RALGPS2: variants seen among roughly 807,000 people sequenced by gnomAD.
RALGPS2 encodes the protein ras-specific guanine nucleotide-releasing factor RalGPS2.
In RALGPS2, 43 loss-of-function variants were observed where a neutral mutation model predicts 86.8. The observed-to-expected ratio is 0.50, with a 90% CI of 0.39 to 0.64. The LOEUF (loss-of-function observed/expected upper bound fraction) is 0.64. Ranked by LOEUF, RALGPS2 falls within the 30% of genes least tolerant of loss-of-function variation. RALGPS2 has a pLI of 0.00. For synonymous variants in RALGPS2, 243 were observed against 231.3 expected (o/e 1.05, Z -0.46); for missense variants, 536 against 694.6 (o/e 0.77, Z 2.57).
chr1:178,906,916 T>C (rs56905684), intron 19 of RALGPS2, 49 bp downstream of exon 19: 6 of 1,527,004 alleles, frequency 3.9e-6, no homozygotes, highest in East Asian at 2.3e-5. Flanking sequence ...TGGGAACATA[T>C]GTAAAAGAGT....
chr1:178,784,056 T>G (rs986087585), intron 2 of RALGPS2, among the ~76,000 whole-genome samples: 1 of 152,174 alleles, frequency 6.6e-6, no homozygotes, highest in Non-Finnish European at 1.5e-5. Context: ...AAAATTAGTT[T>G]AAAAAATTGT....
intron 17 of RALGPS2, among the ~76,000 whole-genome samples, chr1:178,899,840 A>G (rs758965637): frequency 3.3e-5 from 5 of 151,804 alleles, no homozygotes; most frequent in Non-Finnish European, 5.9e-5. Context: ...AATGCAATGT[A>G]TGTCTTTTAG....
At chr1:178,864,519 A>G (rs1353432109) in intron 8 of RALGPS2, among the ~76,000 whole-genome samples, 1 of 152,210 alleles carries the variant, frequency 6.6e-6, no homozygotes, top group African/African-American at 2.4e-5. Context: ...GCTTGAAGAG[A>G]GTGAAAGCAA....
At chr1:178,789,801 T>C (rs1415805747) in intron 4 of RALGPS2, among the ~76,000 whole-genome samples, 1 of 152,216 alleles carries the variant, frequency 6.6e-6, no homozygotes, top group Non-Finnish European at 1.5e-5. Flanking sequence ...AATTTTTGCT[T>C]ACCATTTTAT....
At chr1:178,829,238 T>A (rs1221898487) in intron 7 of RALGPS2, among the ~76,000 whole-genome samples, 1 of 152,200 alleles carries the variant, frequency 6.6e-6, no homozygotes, top group Non-Finnish European at 1.5e-5. Context: ...GAAGGATGGT[T>A]GCTGAGGGGC....
At chr1:178,830,768 A>G (rs916629955) in intron 7 of RALGPS2, among the ~76,000 whole-genome samples, 1 of 152,148 alleles carries the variant, frequency 6.6e-6, no homozygotes, top group Admixed American at 6.5e-5. Flanking sequence ...TTAGAGTAAG[A>G]ATTTCTGTTC....
In RALGPS2 at chr1:178,918,348, G is replaced by A. The variant is rs1660877528; in HGVS notation, c.*1989G>A. The stretch of plus-strand genomic sequence containing the variant: ...CTTCAGAAATAGCGTTTTTAACAGT[G>A]TATGTGCTTTTTTAAAAAGTATTGT... On this transcript the variant is annotated 3_prime_UTR_variant, in exon 20 of 20. Transcript: ENST00000367635. 6.6e-6 allele frequency: 1 copy of A among 152,136 alleles called. No homozygotes were observed. The highest frequency in any genetic ancestry group is 1.5e-5 in the Non-Finnish European group (1 of 68,000). 9.4% of individuals were successfully genotyped at this position (152,136 alleles called of 1,614,324 possible).
chr1:178,904,933 CT>C (rs1200403297), intron 18 of RALGPS2, among the ~76,000 whole-genome samples: 3 of 152,058 alleles, frequency 2.0e-5, no homozygotes, highest in Non-Finnish European at 4.4e-5. Context: ...GTAGATTTTG[CT>C]TTTGGCAGTA....
chr1:178,735,148 A>T (rs907136655), intron 1 of RALGPS2, among the ~76,000 whole-genome samples: 1 of 152,198 alleles, frequency 6.6e-6, no homozygotes, highest in African/African-American at 2.4e-5. Context: ...ATAGTATAAC[A>T]CTGTACAGTA....
chr1:178,787,240 C>G (rs1003522914), intron 4 of RALGPS2, among the ~76,000 whole-genome samples: 1 of 151,420 alleles, frequency 6.6e-6, no homozygotes, highest in Non-Finnish European at 1.5e-5. Context: ...TGTATTTTTT[C>G]CTTTTGAATG....
At chr1:178,782,187 A>G (rs1653426996) in intron 2 of RALGPS2, among the ~76,000 whole-genome samples, 1 of 152,118 alleles carries the variant, frequency 6.6e-6, no homozygotes, top group African/African-American at 2.4e-5. Context: ...CGTAAACCCT[A>G]ATTGATGAAC....
chr1:178,835,861 C>T (rs1402896705), intron 8 of RALGPS2, among the ~76,000 whole-genome samples: 1 of 152,120 alleles, frequency 6.6e-6, no homozygotes, highest in African/African-American at 2.4e-5. Flanking sequence ...TTAAAATTTA[C>T]CAATTTTACG....
Position 178,767,870 on chromosome 1 carries a change from G to A in RALGPS2, c.-83-8812G>A, listed in dbSNP as rs1346443506. On this transcript the variant is annotated intron_variant, in intron 1 of 19. Transcript: ENST00000367635. ...GTAGCAGAGGTGGGTGGGGATGCCCGCCCTGCCATCTAGGTGCTTTCTAGG... is the reference window on the plus strand; with the variant it reads ...GTAGCAGAGGTGGGTGGGGATGCCCACCCTGCCATCTAGGTGCTTTCTAGG... 3.3e-5 allele frequency among the ~76,000 whole-genome samples: 5 copies of A among 152,230 alleles called. No individual in the cohort carries two copies. In the East Asian group the frequency reaches 5.8e-4, roughly 18 times the overall value.
chr1:178,812,845 A>T (rs947879510), intron 6 of RALGPS2, among the ~76,000 whole-genome samples: 3 of 152,014 alleles, frequency 2.0e-5, no homozygotes, highest in Non-Finnish European at 4.4e-5. Flanking sequence ...TAGGTGGCAG[A>T]GCTAGCCTTC....
intron 1 of RALGPS2, among the ~76,000 whole-genome samples, chr1:178,767,184 A>T (rs556963653): frequency 6.6e-6 from 1 of 152,034 alleles, no homozygotes; most frequent in African/African-American, 2.4e-5. Context: ...CTTCATTCCT[A>T]TACATATTCT....
chr1:178,811,824 G>C (rs774915792), intron 6 of RALGPS2, among the ~76,000 whole-genome samples: 9 of 152,170 alleles, frequency 5.9e-5, no homozygotes, highest in Non-Finnish European at 1.3e-4. Context: ...TGGTATATGT[G>C]ATATTACCAC....
At chr1:178,915,374 T>C (rs975891837) in intron 19 of RALGPS2, among the ~76,000 whole-genome samples, 1 of 152,186 alleles carries the variant, frequency 6.6e-6, no homozygotes, top group African/African-American at 2.4e-5. Flanking sequence ...TAGCTGGGAT[T>C]ACAGGCACCC....
intron 8 of RALGPS2, chr1:178,853,711 G>C: frequency 6.2e-7 from 1 of 1,612,258 alleles, no homozygotes; most frequent in African/African-American, 1.3e-5. Context: ...GTCCATTGCT[G>C]TTTTCAGGTT....
chr1:178,913,851 A>G (rs553429897), intron 19 of RALGPS2, among the ~76,000 whole-genome samples: 1 of 152,216 alleles, frequency 6.6e-6, no homozygotes, highest in East Asian at 1.9e-4. Context: ...CACCGGCTGC[A>G]CTGGGTGGAC....
Sources: allele counts gnomAD v4.1 joint callset (sites outside exome capture counted in the v4.1 genomes callset), GRCh38; gene constraint gnomAD v4.1.1; transcripts MANE v1.5; gene names NCBI Gene and HGNC (gene_info 2026-07-23, HGNC 2026-07-21).